The following CLEC4C variants were observed in gnomAD, a reference collection of about 807,000 sequenced individuals.
CLEC4C encodes C-type (calcium dependent, carbohydrate-recognition domain) lectin, superfamily member 11.
Under a neutral mutation model 27.7 loss-of-function variants are expected in CLEC4C, and 17 were observed. That is an observed-to-expected ratio of 0.61 (90% CI 0.42 to 0.92). The LOEUF is 0.92. CLEC4C is among the 40% of genes least tolerant of loss of function. The pLI, the probability that CLEC4C is intolerant of heterozygous loss-of-function variation, is 0.00. For synonymous variants in CLEC4C, 80 were observed against 80.8 expected (o/e 0.99, Z 0.06); for missense variants, 244 against 257.3 (o/e 0.95, Z 0.35).
rs754482495 is a variant in CLEC4C at position 7,736,239 on chromosome 12, TGCCATTGCACTCCAGCCTGGGC to T, written c.381+1168_381+1189del. 2.3e-3 allele frequency among the ~76,000 whole-genome samples: 346 copies of T among 151,872 alleles called. 2 individuals carry two copies. Among genetic ancestry groups the T allele is most frequent in the African/African-American group, 7.4e-3 (308 of 41,448 alleles). On this transcript the variant is annotated intron_variant, in intron 4 of 5. Transcript: ENST00000360345. ...CGGAGGTTGCAGTGAGCCAAGACCG[TGCCATTGCACTCCAGCCTGGGC>T]GCCATTGCACTCCAGCCTGGGCAAC...
At chr12:7,743,379 CTTT>C (rs375768241) in intron 2 of CLEC4C, among the ~76,000 whole-genome samples, 32,223 of 143,738 alleles carry the variant, frequency 0.22, 4,039 homozygotes, top group Admixed American at 0.32. Flanking sequence ...TCACTTAATT[CTTT>C]TTTTTTTTTT....
intron 2 of CLEC4C, among the ~76,000 whole-genome samples, chr12:7,743,675 C>A (rs933084354): frequency 3.9e-5 from 6 of 152,014 alleles, no homozygotes; most frequent in Non-Finnish European, 8.8e-5. Flanking sequence ...ATTCTTTATT[C>A]ATGTATTTCA....
In CLEC4C at chr12:7,747,206, A is replaced by T. The variant is rs144388075; in HGVS notation, c.31+112T>A. ...TTCCATACTGAAATTACTATTATTT[A>T]TGAAAAGCTGTCTACTTCTTCTTCC... On this transcript the variant is annotated intron_variant, in intron 1 of 5. Coordinates refer to ENST00000360345, the MANE Select transcript of CLEC4C (RefSeq NM_001371390.1). 1.6e-3 allele frequency: 1,454 copies of T among 902,134 alleles called. 19 individuals are homozygous for T. In the African/African-American group the frequency reaches 0.019, roughly 12 times the overall value. 55.9% of individuals were successfully genotyped at this position (902,134 alleles called of 1,614,324 possible).
At chr12:7,730,578 T>G (rs1432858431) in intron 5 of CLEC4C, among the ~76,000 whole-genome samples, 1 of 151,058 alleles carries the variant, frequency 6.6e-6, no homozygotes, top group East Asian at 2.0e-4. Context: ...AGGCAGAGGT[T>G]GCAGTGAGCC....
intron 3 of CLEC4C, among the ~76,000 whole-genome samples, chr12:7,737,908 G>A (rs958015479): frequency 6.6e-6 from 1 of 152,130 alleles, no homozygotes; most frequent in Non-Finnish European, 1.5e-5. Flanking sequence ...CATGAGTATG[G>A]CAATAAAATG....
intron 4 of CLEC4C, among the ~76,000 whole-genome samples, chr12:7,735,690 A>G (rs1217773737): frequency 7.0e-6 from 1 of 142,688 alleles, no homozygotes; most frequent in Admixed American, 7.4e-5. Flanking sequence ...CTGTAATCCC[A>G]GCTACTCGGG....
intron 2 of CLEC4C, among the ~76,000 whole-genome samples, chr12:7,742,305 G>T (rs1259636627): frequency 2.0e-5 from 3 of 152,082 alleles, no homozygotes; most frequent in African/African-American, 7.2e-5. Flanking sequence ...CTGAGGTCAG[G>T]AGTTCAAGCC....
chr12:7,732,924 G>A (rs764142951), intron 4 of CLEC4C, among the ~76,000 whole-genome samples: 11 of 151,894 alleles, frequency 7.2e-5, no homozygotes, highest in East Asian at 2.0e-4. Context: ...CTCCAGTCTC[G>A]GCGACAGAGG....
chr12:7,730,702 G>A, intron 5 of CLEC4C, 95 bp downstream of exon 5: 1 of 566,126 alleles, frequency 1.8e-6, no homozygotes, highest in Non-Finnish European at 3.2e-6. Flanking sequence ...AAAAAGTGTT[G>A]TGGGTTTTAT....
rs74982387 is a variant in CLEC4C, at chr12:7,735,506, G to GA, written c.381+1922dup. Among the ~76,000 whole-genome samples the GA allele has an allele frequency of 5.2e-3, 415 of 80,428 alleles. 2 individuals carry two copies. The highest frequency in any genetic ancestry group is 0.019 in the South Asian group (42 of 2,264). The allele number at this position is 80,428 out of a possible 152,430, so 52.8% of individuals were successfully genotyped here. ...CGATAGAACAAGACTCTGTCTCAAAGAAAAAAAAAAAAAAAAACGGCCAGG... is the reference window on the plus strand; with the variant it reads ...CGATAGAACAAGACTCTGTCTCAAAGAAAAAAAAAAAAAAAAAACGGCCAGG... On this transcript the variant is annotated intron_variant, in intron 4 of 5. Transcript: ENST00000360345.
chr12:7,732,152 C>A (rs959317182), intron 4 of CLEC4C, among the ~76,000 whole-genome samples: 7 of 151,770 alleles, frequency 4.6e-5, no homozygotes, highest in African/African-American at 1.7e-4. Context: ...GCCGCAGCCT[C>A]CTAAGTAGCT....
At chr12:7,737,155 C>T (rs1050996325) in intron 4 of CLEC4C, among the ~76,000 whole-genome samples, 3 of 151,928 alleles carry the variant, frequency 2.0e-5, no homozygotes, top group Non-Finnish European at 4.4e-5. Context: ...CACTTGACCC[C>T]GGGAGGCGGA....
intron 3 of CLEC4C, among the ~76,000 whole-genome samples, chr12:7,741,154 G>A (rs564081533): frequency 5.7e-4 from 86 of 152,172 alleles, no homozygotes; most frequent in Non-Finnish European, 8.8e-4. Flanking sequence ...GTAGAGATGC[G>A]GTTTCTCCGC....
chr12:7,742,810 AAAATAAATAAATAAATAAATAAAT>A (rs71038739), intron 2 of CLEC4C, among the ~76,000 whole-genome samples: 1 of 145,152 alleles, frequency 6.9e-6, no homozygotes, highest in Non-Finnish European at 1.5e-5. Flanking sequence ...CTCCATCTCA[AAAATAAATAAATAAATAAATAAAT>A]AAATAAATAA....
intron 2 of CLEC4C, among the ~76,000 whole-genome samples, chr12:7,741,920 C>A (rs1864865079): frequency 6.6e-6 from 1 of 152,044 alleles, no homozygotes; most frequent in African/African-American, 2.4e-5. Context: ...ACTTGGGAGG[C>A]TGAGGCAAGA....
intron 4 of CLEC4C, 92 bp downstream of exon 4, chr12:7,737,337 T>C (rs1181858602): frequency 1.6e-5 from 16 of 1,024,408 alleles, no homozygotes; most frequent in Middle Eastern, 2.3e-4. Context: ...TTTTTTTTTT[T>C]CCTGTCTTTG....
rs1864576140 is a variant in CLEC4C at position 7,730,727 on chromosome 12, A to C, written c.497+70T>G. 6.6e-6 allele frequency: 5 copies of C among 756,210 alleles called. No homozygotes were observed. In the South Asian group the frequency reaches 7.8e-5, roughly 12 times the overall value. The allele number at this position is 756,210 out of a possible 1,614,324, so 46.8% of individuals were successfully genotyped here. A position where few individuals can be genotyped will look rare whatever the true frequency, so the allele number is the denominator to read the frequency against. The stretch of plus-strand genomic sequence containing the variant: ...GTGGGTTTTATTGTTTGTTTGCTTA[A>C]TAGCTGATGGAACACCCTAAACCCC... On this transcript the variant is annotated intron_variant, in intron 5 of 5. Coordinates refer to ENST00000360345, the MANE Select transcript of CLEC4C (RefSeq NM_001371390.1).
chr12:7,747,216 G>C, intron 1 of CLEC4C, 102 bp downstream of exon 1: 1 of 975,262 alleles, frequency 1.0e-6, no homozygotes, highest in Non-Finnish European at 1.7e-6. Context: ...ATGAAAAGCT[G>C]TCTACTTCTT....
chr12:7,737,333 T>C, intron 4 of CLEC4C, 96 bp downstream of exon 4: 1 of 1,059,476 alleles, frequency 9.4e-7, no homozygotes, highest in Non-Finnish European at 1.3e-6. Flanking sequence ...AGTTTTTTTT[T>C]TTTTCCTGTC....
Sources: gnomAD v4.1 joint callset for allele counts (sites outside exome capture counted in the v4.1 genomes callset) on GRCh38, gnomAD v4.1.1 for gene constraint, MANE v1.5 for transcripts, NCBI Gene and HGNC (gene_info 2026-07-23, HGNC 2026-07-21) for gene names.